The following RANBP2 variants were observed in gnomAD, a reference collection of about 807,000 sequenced individuals.
RANBP2 encodes the protein RAN binding protein 2, also known as E3 SUMO-protein ligase RanBP2.
A neutral mutation model predicts 303.6 loss-of-function variants in RANBP2; 57 were observed. The ratio of observed to expected loss-of-function variants is 0.19; its 90% CI spans 0.15 to 0.23. RANBP2 has a LOEUF of 0.23. RANBP2 is among the 10% of genes least tolerant of loss of function. RANBP2 has a pLI of 1.00. For synonymous variants in RANBP2, 1,167 were observed against 1,301.5 expected, an observed-to-expected ratio of 0.90 and a Z score of 2.23; for missense variants, 3,138 against 3,780.8, an observed-to-expected ratio of 0.83 and a Z score of 4.46.
chr2:109,650,929 G>A, the RANBP2 span, among the ~76,000 whole-genome samples: 431 of 152,246 alleles, frequency 2.8e-3, 2 homozygotes, highest in Non-Finnish European at 3.4e-3. Flanking sequence ...GGAAGCTGGC[G>A]GGGGAGTCTG....
the RANBP2 span, among the ~76,000 whole-genome samples, chr2:109,149,194 G>T: frequency 5.3e-5 from 8 of 152,090 alleles, no homozygotes; most frequent in African/African-American, 1.9e-4. Flanking sequence ...GGGCCACACT[G>T]CTGTCCTTGG....
At chr2:109,106,354 G>T in the RANBP2 span, among the ~76,000 whole-genome samples, 1 of 152,122 alleles carries the variant, frequency 6.6e-6, no homozygotes, top group Non-Finnish European at 1.5e-5. Context: ...TTTCGTTTAA[G>T]AAATGTCCTG....
the RANBP2 span, among the ~76,000 whole-genome samples, chr2:109,434,033 G>T: frequency 1.3e-5 from 2 of 152,222 alleles, no homozygotes; most frequent in South Asian, 2.1e-4. Context: ...TCCCATGCCA[G>T]TAGGAACAGG....
chr2:109,347,597 G>T, the RANBP2 span: 4 of 1,535,946 alleles, frequency 2.6e-6, no homozygotes, highest in Non-Finnish European at 3.5e-6. Context: ...GAGAAGCCCC[G>T]GCCTGCCCCG....
chr2:108,870,927 G>A, the RANBP2 span, among the ~76,000 whole-genome samples: 1 of 152,140 alleles, frequency 6.6e-6, no homozygotes, highest in African/African-American at 2.4e-5. Flanking sequence ...TAATACCACA[G>A]AACTGAAAAC....
the RANBP2 span, chr2:108,878,334 CA>C: frequency 8.2e-5 from 16 of 195,548 alleles, no homozygotes; most frequent in Admixed American, 1.4e-4. Context: ...CTTTCAGGGT[CA>C]AGTGATTTCA....
the RANBP2 span, among the ~76,000 whole-genome samples, chr2:108,979,406 C>A: frequency 6.6e-6 from 1 of 151,520 alleles, no homozygotes; most frequent in Non-Finnish European, 1.5e-5. Flanking sequence ...AAGCCCCATC[C>A]CAAGCTTTGG....
At chr2:109,559,435 T>A in the RANBP2 span, among the ~76,000 whole-genome samples, 4 of 152,178 alleles carry the variant, frequency 2.6e-5, no homozygotes, top group Admixed American at 2.6e-4. Context: ...TTCCAGCCAC[T>A]GCTCCCACCC....
At chr2:108,824,024 A>G in the RANBP2 span, among the ~76,000 whole-genome samples, 2 of 152,110 alleles carry the variant, frequency 1.3e-5, no homozygotes, top group South Asian at 4.1e-4. Context: ...AGAGCACTTA[A>G]CCATGAATGG....
the RANBP2 span, among the ~76,000 whole-genome samples, chr2:109,403,499 C>T: frequency 6.6e-6 from 1 of 152,262 alleles, no homozygotes; most frequent in Admixed American, 6.5e-5. Flanking sequence ...TCCAGGGCCC[C>T]ACTCTTGTCA....
chr2:108,726,536 T>A (rs1351859388), intron 1 of RANBP2, among the ~76,000 whole-genome samples: 8 of 151,964 alleles, frequency 5.3e-5, no homozygotes. Context: ...TGGTTCCTGA[T>A]GAGGGCTTTC....
At chr2:109,185,581 G>A in the RANBP2 span, among the ~76,000 whole-genome samples, 2 of 152,118 alleles carry the variant, frequency 1.3e-5, no homozygotes, top group African/African-American at 2.4e-5. Context: ...TTGGCCAGGC[G>A]TTGGTTTTCC....
At chr2:109,674,056 G>A in the RANBP2 span, among the ~76,000 whole-genome samples, 2 of 151,962 alleles carry the variant, frequency 1.3e-5, no homozygotes, top group Non-Finnish European at 2.9e-5. Flanking sequence ...TATTTCTACT[G>A]GGTAGGTTCA....
At chr2:109,630,078 C>T in the RANBP2 span, among the ~76,000 whole-genome samples, 1 of 152,086 alleles carries the variant, frequency 6.6e-6, no homozygotes, top group Non-Finnish European at 1.5e-5. Context: ...GACAAAGTGA[C>T]ACTAAGGTTT....
At chr2:109,275,949 A>G in the RANBP2 span, among the ~76,000 whole-genome samples, 1 of 152,194 alleles carries the variant, frequency 6.6e-6, no homozygotes, top group African/African-American at 2.4e-5. Flanking sequence ...GAATGGATTT[A>G]TAGCCCACGT....
chr2:109,021,199 A>G, the RANBP2 span, among the ~76,000 whole-genome samples: 1 of 152,198 alleles, frequency 6.6e-6, no homozygotes, highest in Admixed American at 6.5e-5. Context: ...GTGATAAGCA[A>G]CACCGATCAG....
the RANBP2 span, among the ~76,000 whole-genome samples, chr2:109,630,794 G>A: frequency 9.9e-5 from 15 of 152,268 alleles, no homozygotes; most frequent in South Asian, 1.5e-3. Context: ...GGCTGGGCGC[G>A]GTGGCTCATG....
chr2:109,226,785 G>A, the RANBP2 span, among the ~76,000 whole-genome samples: 1 of 152,164 alleles, frequency 6.6e-6, no homozygotes, highest in South Asian at 2.1e-4. Context: ...TGCCATTAAG[G>A]AACTTGTGGC....
At chr2:109,583,470 T>C in the RANBP2 span, among the ~76,000 whole-genome samples, 4 of 152,138 alleles carry the variant, frequency 2.6e-5, no homozygotes, top group Non-Finnish European at 5.9e-5. Flanking sequence ...ATGGCTATTA[T>C]TAAAAAGTCA....
Sources: allele counts gnomAD v4.1 joint callset (sites outside exome capture counted in the v4.1 genomes callset), GRCh38; gene constraint gnomAD v4.1.1; transcripts MANE v1.5; gene names NCBI Gene and HGNC (gene_info 2026-07-23, HGNC 2026-07-21).